The following RPP14 variants were observed in gnomAD, a reference collection of about 807,000 sequenced individuals.
RPP14 encodes ribonuclease P protein subunit p14.
In RPP14, 19 loss-of-function variants were observed where a neutral mutation model predicts 17.8. That is an observed-to-expected ratio of 1.07 (90% CI 0.74 to 1.57). The LOEUF is 1.57. Among genes scored for constraint, RPP14 ranks in the 40% most tolerant of loss-of-function variants. The pLI is 0.00. For missense variants in RPP14, 125 were observed against 140.8 expected, an observed-to-expected ratio of 0.89 and a Z score of 0.57; for synonymous variants, 60 against 56.4, an observed-to-expected ratio of 1.06 and a Z score of -0.29.
chr3:58,306,932 A>G (rs1171134428), intron 1 of RPP14, among the ~76,000 whole-genome samples: 1 of 152,210 alleles, frequency 6.6e-6, no homozygotes, highest in Non-Finnish European at 1.5e-5. Flanking sequence ...AGAAGAAAGC[A>G]GGGACGGGGC....
chr3:58,316,212 G>GA (rs2097488167), intron 3 of RPP14, among the ~76,000 whole-genome samples: 1 of 152,212 alleles, frequency 6.6e-6, no homozygotes. Flanking sequence ...TTATGAAAGA[G>GA]AAAGTATGGT....
intron 3 of RPP14, 74 bp downstream of exon 3, chr3:58,310,665 G>T: frequency 1.6e-6 from 2 of 1,288,736 alleles, no homozygotes; most frequent in Non-Finnish European, 2.2e-6. Flanking sequence ...GGGCGCGGTA[G>T]CTCACGCCTG....
chr3:58,316,655 T>C (rs2097488581), intron 4 of RPP14, 64 bp downstream of exon 4: 3 of 1,402,276 alleles, frequency 2.1e-6, no homozygotes, highest in Non-Finnish European at 3.0e-6. Flanking sequence ...GCAAAAATGC[T>C]CTCTTCTGAG....
intron 1 of RPP14, among the ~76,000 whole-genome samples, chr3:58,306,830 C>T (rs572745055): frequency 1.3e-5 from 2 of 152,110 alleles, no homozygotes; most frequent in East Asian, 1.9e-4. Context: ...TAGCAAGATT[C>T]TTGGAGTGGA....
chr3:58,306,509 T>C (rs536893492), intron 1 of RPP14, 92 bp downstream of exon 1: 26 of 152,346 alleles, frequency 1.7e-4, no homozygotes, highest in African/African-American at 6.0e-4. Context: ...GCGGTGCGCC[T>C]TGGGTAGCTT....
Position 58,310,688 on chromosome 3 carries a change from T to G in RPP14, c.162+97T>G, listed in dbSNP as rs529713164. ...TAGCTCACGCCTGTAATCCCAGCAC[T>G]TTGGAGGCCGAGGTGGGCAGATCAT... is the stretch of plus-strand genomic sequence containing the variant. On this transcript the variant is annotated intron_variant, in intron 3 of 5. Transcript: ENST00000295959. 5.7e-4 allele frequency: 568 copies of G among 993,404 alleles called. 2 individuals are homozygous for G. The highest frequency in any genetic ancestry group is 8.2e-4 in the Non-Finnish European group (539 of 656,542). The allele number at this position is 993,404 out of a possible 1,614,324, so 61.5% of individuals were successfully genotyped here.
rs779832537 is a variant in RPP14, at chr3:58,318,260, G to A, written c.*764G>A. On this transcript the variant is annotated 3_prime_UTR_variant, in exon 6 of 6. Coordinates refer to ENST00000295959, the MANE Select transcript of RPP14 (RefSeq NM_007042.6). ...AGGGGAAGGGAGCAGGAAGAGGGTT[G>A]TTCAAATGCCCACTTTCCAGTTTGG... 7 of 559,624 alleles carry A rather than the reference G, an allele frequency of 1.3e-5. No individual in the cohort carries two copies. The highest frequency in any genetic ancestry group is 2.2e-5 in the Non-Finnish European group (7 of 320,002). The allele number at this position is 559,624 out of a possible 1,614,324, so 34.7% of individuals were successfully genotyped here.
intron 1 of RPP14, among the ~76,000 whole-genome samples, chr3:58,307,476 C>G (rs918123461): frequency 7.9e-5 from 12 of 152,206 alleles, no homozygotes; most frequent in Admixed American, 6.5e-4. Flanking sequence ...GTAATCCCAG[C>G]ACTTTGAGGG....
intron 4 of RPP14, 50 bp from the exon 5 acceptor site, chr3:58,316,865 T>C (rs1210920181): frequency 6.8e-7 from 1 of 1,465,944 alleles, no homozygotes; most frequent in South Asian, 1.2e-5. Context: ...TTGAAGTTCA[T>C]TTTGTTCTCT....
Position 58,319,961 on chromosome 3 carries a change from T to G in RPP14, c.*2465T>G, listed in dbSNP as rs1245369554. On this transcript the variant is annotated 3_prime_UTR_variant, in exon 6 of 6. Transcript: ENST00000295959. ...ATTTTTCATCACCCCCAAAAGAACC[T>G]CCCATTAGCAGTCAATCCATTTCTC... 1.3e-5 allele frequency: 2 copies of G among 152,130 alleles called. No homozygotes were observed. The highest frequency in any genetic ancestry group is 4.8e-5 in the African/African-American group (2 of 41,420). The allele number at this position is 152,130 out of a possible 1,614,324, so 9.4% of individuals were successfully genotyped here. A position where few individuals can be genotyped will look rare whatever the true frequency, so the allele number is the denominator to read the frequency against.
rs978714929 is a variant in RPP14, at chr3:58,317,587, T to C, written c.*91T>C. The stretch of plus-strand genomic sequence containing the variant: ...TTGAAGACTGAAGCAGGCTAAAAGC[T>C]CTTGATGAAATTTGAGGGTGCTGAA... On this transcript the variant is annotated 3_prime_UTR_variant, in exon 6 of 6. Coordinates refer to ENST00000295959, the MANE Select transcript of RPP14 (RefSeq NM_007042.6). 4.4e-6 allele frequency: 4 copies of C among 899,834 alleles called. No individual in the cohort carries two copies. The highest frequency in any genetic ancestry group is 7.2e-6 in the Non-Finnish European group (4 of 551,826). 55.7% of individuals were successfully genotyped at this position (899,834 alleles called of 1,614,324 possible).
chr3:58,310,712 A>ACC, intron 3 of RPP14, 121 bp downstream of exon 3: 1 of 743,974 alleles, frequency 1.3e-6, no homozygotes, highest in Non-Finnish European at 2.2e-6. Flanking sequence ...TGGGCAGATC[A>ACC]TGAGGTCAAG....
Position 58,317,909 on chromosome 3 carries a change from A to C in RPP14, c.*413A>C, listed in dbSNP as rs79991831. ...CTTATCTCAGCTCTCCTAGGAACTA[A>C]AATGCCAGGGCCAGGCTGTGTATTT... is the stretch of plus-strand genomic sequence containing the variant. On this transcript the variant is annotated 3_prime_UTR_variant, in exon 6 of 6. Transcript: ENST00000295959. 5.0e-3 allele frequency: 3,550 copies of C among 703,000 alleles called. 103 individuals are homozygous for C. In the African/African-American group the frequency reaches 0.055, roughly 11 times the overall value. The allele number at this position is 703,000 out of a possible 1,614,324, so 43.5% of individuals were successfully genotyped here. A position where few individuals can be genotyped will look rare whatever the true frequency, so the allele number is the denominator to read the frequency against.
rs2097488779 is a variant in RPP14, at chr3:58,316,839, A to G, written c.240-76A>G. ...TATAGTTGCAAAGTCAGAAGTGAATATTTTAGAAACCTTAGTTGAAGTTCA... is the reference window on the plus strand; with the variant it reads ...TATAGTTGCAAAGTCAGAAGTGAATGTTTTAGAAACCTTAGTTGAAGTTCA... On this transcript the variant is annotated intron_variant, in intron 4 of 5. Coordinates refer to ENST00000295959, the MANE Select transcript of RPP14 (RefSeq NM_007042.6). The G allele has an allele frequency of 3.1e-6, 4 of 1,272,724 alleles. No individual in the cohort carries two copies. The South Asian group carries it at 5.1e-5, about 16-fold the overall frequency. 78.8% of individuals were successfully genotyped at this position (1,272,724 alleles called of 1,614,324 possible). A position where few individuals can be genotyped will look rare whatever the true frequency, so the allele number is the denominator to read the frequency against.
At chr3:58,312,866 CAGG>C (rs1298522760) in intron 3 of RPP14, among the ~76,000 whole-genome samples, 3 of 148,984 alleles carry the variant, frequency 2.0e-5, no homozygotes, top group Non-Finnish European at 2.9e-5. Flanking sequence ...AAGACTGAGG[CAGG>C]AGAATTGCTT....
chr3:58,314,301 A>C (rs893929051), intron 3 of RPP14, among the ~76,000 whole-genome samples: 47 of 152,322 alleles, frequency 3.1e-4, no homozygotes, highest in Middle Eastern at 3.4e-3. Context: ...CAGTGAGCTG[A>C]GATCACACCA....
At chr3:58,306,483 C>G (rs2097474697) in intron 1 of RPP14, 66 bp downstream of exon 1, 1 of 152,300 alleles carries the variant, frequency 6.6e-6, no homozygotes, top group Non-Finnish European at 1.5e-5. Flanking sequence ...GCGACCCGGG[C>G]GCATGCGCGG....
At chr3:58,316,837 A>G in intron 4 of RPP14, 78 bp from the exon 5 acceptor site, 1 of 1,244,088 alleles carries the variant, frequency 8.0e-7, no homozygotes, top group South Asian at 1.3e-5. Context: ...TCAGAAGTGA[A>G]TATTTTAGAA....
intron 1 of RPP14, among the ~76,000 whole-genome samples, chr3:58,306,837 T>C (rs2097475582): frequency 6.6e-6 from 1 of 151,874 alleles, no homozygotes; most frequent in African/African-American, 2.4e-5. Flanking sequence ...ATTCTTGGAG[T>C]GGACTTTTGT....
Sources: allele counts gnomAD v4.1 joint callset (sites outside exome capture counted in the v4.1 genomes callset), GRCh38; gene constraint gnomAD v4.1.1; transcripts MANE v1.5; gene names NCBI Gene and HGNC (gene_info 2026-07-23, HGNC 2026-07-21).